Variants in BMPER observed in about 807,000 individuals in gnomAD.
BMPER encodes BMP-binding endothelial regulator protein.
A neutral mutation model predicts 87.3 loss-of-function variants in BMPER; 45 were observed. That is an observed-to-expected ratio of 0.52 (90% CI 0.41 to 0.66). BMPER has a LOEUF of 0.66. Ranked by LOEUF, BMPER falls within the 30% of genes least tolerant of loss-of-function variation. BMPER has a pLI of 0.00. For synonymous variants in BMPER, 326 were observed against 316.2 expected (o/e 1.03, Z -0.33); for missense variants, 784 against 867.5 (o/e 0.90, Z 1.21).
intron 6 of BMPER, among the ~76,000 whole-genome samples, chr7:34,028,401 T>A (rs1185131737): frequency 2.0e-5 from 3 of 151,934 alleles, no homozygotes; most frequent in African/African-American, 7.2e-5. Flanking sequence ...TTATTTCTAA[T>A]GTAGTAAACA....
intron 6 of BMPER, among the ~76,000 whole-genome samples, chr7:33,990,252 GGA>G (rs1786166204): frequency 7.3e-6 from 1 of 136,424 alleles, no homozygotes; most frequent in Non-Finnish European, 1.6e-5. Flanking sequence ...CCATGAGCAT[GGA>G]ATGTTCTTCC....
At chr7:33,970,772 A>G (rs1005969741) in intron 5 of BMPER, among the ~76,000 whole-genome samples, 1 of 152,168 alleles carries the variant, frequency 6.6e-6, no homozygotes, top group Non-Finnish European at 1.5e-5. Context: ...AGAGCTCGCC[A>G]TGGTGATGAG....
intron 3 of BMPER, among the ~76,000 whole-genome samples, chr7:33,940,994 A>T (rs1185628133): frequency 7.4e-6 from 1 of 135,180 alleles, no homozygotes; most frequent in South Asian, 2.1e-4. Context: ...TTATATATTT[A>T]TATATAATTT....
At chr7:34,028,727 T>G (rs2127949982) in intron 6 of BMPER, among the ~76,000 whole-genome samples, 1 of 149,416 alleles carries the variant, frequency 6.7e-6, no homozygotes, top group African/African-American at 2.5e-5. Flanking sequence ...CTTCCAGATA[T>G]GCACATTGTG....
chr7:34,023,128 G>T (rs1313768572), intron 6 of BMPER, among the ~76,000 whole-genome samples: 2 of 151,990 alleles, frequency 1.3e-5, no homozygotes, highest in Non-Finnish European at 2.9e-5. Context: ...CATGTTGTAG[G>T]CCTTCAAATT....
intron 7 of BMPER, among the ~76,000 whole-genome samples, chr7:34,050,283 A>G (rs1788114587): frequency 6.6e-6 from 1 of 152,162 alleles, no homozygotes; most frequent in South Asian, 2.1e-4. Context: ...GCAATGTGGT[A>G]TTGATGATGC....
At chr7:33,952,596 TCTGAAA>T (rs1562649972) in intron 3 of BMPER, among the ~76,000 whole-genome samples, 1 of 152,166 alleles carries the variant, frequency 6.6e-6, no homozygotes, top group Non-Finnish European at 1.5e-5. Context: ...ATTCAGCAAC[TCTGAAA>T]CTGAAAGTAT....
intron 13 of BMPER, among the ~76,000 whole-genome samples, chr7:34,102,146 A>T (rs1412288793): frequency 3.3e-5 from 5 of 150,954 alleles, no homozygotes; most frequent in South Asian, 2.1e-4. Context: ...CCTTTTCTCC[A>T]TTTTTTTTTG....
chr7:34,020,037 A>T (rs1178844135), intron 6 of BMPER, among the ~76,000 whole-genome samples: 2 of 150,882 alleles, frequency 1.3e-5, no homozygotes, highest in Non-Finnish European at 3.0e-5. Context: ...TTTGAAAGGG[A>T]AGTGAGGGAA....
At chr7:33,926,001 C>A (rs1375438462) in intron 2 of BMPER, among the ~76,000 whole-genome samples, 1 of 152,196 alleles carries the variant, frequency 6.6e-6, no homozygotes, top group South Asian at 2.1e-4. Flanking sequence ...GTCTGAGCTT[C>A]TCTGAGCTGG....
intron 13 of BMPER, among the ~76,000 whole-genome samples, chr7:34,140,842 C>T (rs192487373): frequency 1.3e-5 from 2 of 152,342 alleles, no homozygotes; most frequent in East Asian, 1.9e-4. Context: ...TCCGGGGACA[C>T]ATTTCCTCAC....
intron 2 of BMPER, among the ~76,000 whole-genome samples, chr7:33,919,455 A>G (rs1784163494): frequency 6.6e-6 from 1 of 152,186 alleles, no homozygotes; most frequent in Admixed American, 6.5e-5. Flanking sequence ...ATGCCTCTCA[A>G]TCTGTGAACC....
intron 6 of BMPER, among the ~76,000 whole-genome samples, chr7:34,020,636 A>C (rs1367437220): frequency 6.6e-6 from 1 of 151,990 alleles, no homozygotes; most frequent in African/African-American, 2.4e-5. Flanking sequence ...GGAGAAAATA[A>C]AACATAGGAG....
intron 6 of BMPER, among the ~76,000 whole-genome samples, chr7:33,995,660 T>C (rs1463918813): frequency 6.6e-6 from 1 of 152,162 alleles, no homozygotes; most frequent in Non-Finnish European, 1.5e-5. Flanking sequence ...ACCCCTGCTG[T>C]TTTTGGCAGC....
At chr7:33,942,866 A>G (rs1784801786) in intron 3 of BMPER, among the ~76,000 whole-genome samples, 1 of 152,222 alleles carries the variant, frequency 6.6e-6, no homozygotes, top group Admixed American at 6.5e-5. Flanking sequence ...CCAAGGAAAC[A>G]TCACTCTGAT....
chr7:33,920,418 GTGTTTTTTT>G (rs916815780), intron 2 of BMPER, among the ~76,000 whole-genome samples: 1 of 99,940 alleles, frequency 1.0e-5, no homozygotes, highest in African/African-American at 4.2e-5. Context: ...AAACTCCGTT[GTGTTTTTTT>G]TTTTTTTTTT....
At chr7:33,949,588 C>A (rs370248920) in intron 3 of BMPER, among the ~76,000 whole-genome samples, 59 of 151,574 alleles carry the variant, frequency 3.9e-4, no homozygotes, top group African/African-American at 1.3e-3. Context: ...CTACTCACTT[C>A]TAGTGCCACT....
intron 6 of BMPER, among the ~76,000 whole-genome samples, chr7:34,033,391 G>A (rs1302792711): frequency 6.6e-6 from 1 of 152,082 alleles, no homozygotes; most frequent in Non-Finnish European, 1.5e-5. Context: ...TCAGTTCTCT[G>A]AACTTGGCAA....
intron 6 of BMPER, among the ~76,000 whole-genome samples, chr7:34,021,203 A>T (rs1457769867): frequency 6.6e-6 from 1 of 152,042 alleles, no homozygotes; most frequent in Non-Finnish European, 1.5e-5. Context: ...CTAACCACTG[A>T]TGTTTGTTAT....
Sources: gnomAD v4.1 joint callset for allele counts (sites outside exome capture counted in the v4.1 genomes callset) on GRCh38, gnomAD v4.1.1 for gene constraint, MANE v1.5 for transcripts, NCBI Gene and HGNC (gene_info 2026-07-23, HGNC 2026-07-21) for gene names.